SATL1: variants seen among roughly 807,000 people sequenced by gnomAD.
SATL1 encodes the protein spermidine/spermine N(1)-acetyltransferase-like protein 1.
SATL1 carries 47 observed loss-of-function variants against 51.8 expected under a neutral mutation model. The observed-to-expected ratio is 0.91, with a 90% CI of 0.72 to 1.16. The LOEUF is 1.16. SATL1 is among the 50% of genes most tolerant of loss of function. The pLI, the probability that SATL1 is intolerant of heterozygous loss-of-function variation, is 0.00. For missense variants in SATL1, 520 were observed against 526.4 expected, an observed-to-expected ratio of 0.99 and a Z score of 0.12; for synonymous variants, 176 against 182.4, an observed-to-expected ratio of 0.97 and a Z score of 0.28.
intron 2 of SATL1, chrX:85,209,339 G>A (rs1229657781): frequency 9.0e-6 from 1 of 111,707 alleles, no homozygotes; most frequent in African/African-American, 3.3e-5. Flanking sequence ...TTTTGGCTTA[G>A]GATTGTCTTG....
intron 1 of SATL1, among the ~76,000 whole-genome samples, chrX:85,229,510 A>G (rs1928338405): frequency 8.9e-6 from 1 of 111,866 alleles, no homozygotes; most frequent in Non-Finnish European, 1.9e-5. Flanking sequence ...GATGGTTAAT[A>G]TATGCAAATC....
chrX:85,224,024 G>C (rs1022273237), intron 2 of SATL1, among the ~76,000 whole-genome samples, 181 bp downstream of exon 2: 28 of 112,042 alleles, frequency 2.5e-4, no homozygotes, highest in African/African-American at 8.7e-4. Flanking sequence ...TGACTCTAAT[G>C]TCAGTGCTCT....
intron 2 of SATL1, among the ~76,000 whole-genome samples, chrX:85,156,704 C>CAT (rs1926595218): frequency 9.7e-6 from 1 of 103,440 alleles, no homozygotes; most frequent in African/African-American, 3.6e-5. Flanking sequence ...AAAACACATA[C>CAT]CTAAGGCAGC....
At chrX:85,148,594 C>A (rs1368190500) in intron 2 of SATL1, among the ~76,000 whole-genome samples, 1 of 111,185 alleles carries the variant, frequency 9.0e-6, no homozygotes, top group South Asian at 3.8e-4. Context: ...AAAGGGAAGC[C>A]CATCAGACTA....
chrX:85,190,609 C>A (rs1215326018), intron 2 of SATL1, among the ~76,000 whole-genome samples: 1 of 110,966 alleles, frequency 9.0e-6, no homozygotes, highest in East Asian at 2.8e-4. Flanking sequence ...ACTTATTCAG[C>A]TAGCAGTTTT....
At chrX:85,127,210 A>C (rs2147704147) in intron 2 of SATL1, among the ~76,000 whole-genome samples, 1 of 110,569 alleles carries the variant, frequency 9.0e-6, no homozygotes, top group East Asian at 2.9e-4. Context: ...AGGTTACTTA[A>C]TCTCTCTGAG....
At chrX:85,117,314 A>G (rs1190843735) in intron 2 of SATL1, 1 of 111,385 alleles carries the variant, frequency 9.0e-6, no homozygotes, top group African/African-American at 3.3e-5. Flanking sequence ...TATTTCCCTC[A>G]GTCAAATTAT....
At chrX:85,227,131 A>C (rs1928290962) in intron 1 of SATL1, among the ~76,000 whole-genome samples, 1 of 111,605 alleles carries the variant, frequency 9.0e-6, no homozygotes, top group South Asian at 3.7e-4. Context: ...GGTCTTAGTT[A>C]AATTCTTGAC....
intron 2 of SATL1, among the ~76,000 whole-genome samples, chrX:85,133,257 C>G (rs965222739): frequency 8.9e-6 from 1 of 112,272 alleles, no homozygotes; most frequent in African/African-American, 3.2e-5. Flanking sequence ...TGCCGTGCCT[C>G]CAGAGGTGGG....
At chrX:85,190,457 G>A (rs1325963747) in intron 2 of SATL1, among the ~76,000 whole-genome samples, 2 of 110,990 alleles carry the variant, frequency 1.8e-5, no homozygotes, top group Non-Finnish European at 3.8e-5. Flanking sequence ...CCACTAATAG[G>A]CAAAATAACT....
At chrX:85,159,268 T>G (rs1035419283) in intron 2 of SATL1, among the ~76,000 whole-genome samples, 8 of 111,910 alleles carry the variant, frequency 7.1e-5, no homozygotes, top group African/African-American at 2.6e-4. Context: ...AAATGAATAT[T>G]TTTAGACAAC....
chrX:85,096,174 A>G (rs1358521543), intron 4 of SATL1, among the ~76,000 whole-genome samples: 1 of 111,506 alleles, frequency 9.0e-6, no homozygotes, highest in Non-Finnish European at 1.9e-5. Context: ...TACAGGAAAA[A>G]TATATGTAAA....
chrX:85,156,389 G>GTA (rs1926587380), intron 2 of SATL1: 2 of 111,198 alleles, frequency 1.8e-5, no homozygotes, highest in Non-Finnish European at 3.8e-5. Flanking sequence ...ACTGATATGA[G>GTA]GCCTCCTCAA....
At chrX:85,130,798 C>T (rs193265742) in intron 2 of SATL1, among the ~76,000 whole-genome samples, 109 of 111,878 alleles carry the variant, frequency 9.7e-4, no homozygotes, top group African/African-American at 3.3e-3. Context: ...CTGTAAATTT[C>T]CCTCTACACA....
chrX:85,242,751 G>A (rs926901497), intron 1 of SATL1, among the ~76,000 whole-genome samples: 2 of 111,626 alleles, frequency 1.8e-5, no homozygotes, highest in African/African-American at 6.5e-5. Flanking sequence ...ACCTCACAAT[G>A]GAAGGTAATT....
chrX:85,199,277 T>A (rs775400504), intron 2 of SATL1, among the ~76,000 whole-genome samples: 4 of 110,924 alleles, frequency 3.6e-5, no homozygotes, highest in African/African-American at 9.8e-5. Context: ...TAAACACATA[T>A]TAAATTTGCT....
intron 2 of SATL1, among the ~76,000 whole-genome samples, chrX:85,203,463 T>C (rs56860948): frequency 0.13 from 14,255 of 110,682 alleles, 710 homozygotes; most frequent in South Asian, 0.18. Flanking sequence ...AAGGCTGGAA[T>C]GGCTAAGTCA....
intron 2 of SATL1, among the ~76,000 whole-genome samples, chrX:85,113,365 C>T (rs905157956): frequency 9.0e-6 from 1 of 111,522 alleles, no homozygotes; most frequent in Non-Finnish European, 1.9e-5. Flanking sequence ...TGCAGTAATG[C>T]CTGCTAAGAG....
At chrX:85,100,140 A>T (rs746985489) in intron 4 of SATL1, among the ~76,000 whole-genome samples, 9 of 112,562 alleles carry the variant, frequency 8.0e-5, no homozygotes, top group African/African-American at 2.9e-4. Flanking sequence ...TGGGACATGG[A>T]GGTTGCAGTG....
Sources: allele counts gnomAD v4.1 joint callset (sites outside exome capture counted in the v4.1 genomes callset), GRCh38; gene constraint gnomAD v4.1.1; transcripts MANE v1.5; gene names NCBI Gene and HGNC (gene_info 2026-07-23, HGNC 2026-07-21).